WDR7: variants seen among roughly 807,000 people sequenced by gnomAD.
WDR7 encodes the protein WD repeat domain 7, also known as WD repeat-containing protein 7.
WDR7 carries 46 observed loss-of-function variants against 169.4 expected under a neutral mutation model. The observed-to-expected ratio is 0.27, with a 90% CI of 0.21 to 0.35. The LOEUF is 0.35. WDR7 is among the 10% of genes least tolerant of loss of function. The pLI is 1.00. For missense variants in WDR7, 1,534 were observed against 1,859.3 expected, an observed-to-expected ratio of 0.83 and a Z score of 3.22; for synonymous variants, 612 against 666.8, an observed-to-expected ratio of 0.92 and a Z score of 1.27.
chr18:56,668,540 A>G (rs2025068071), intron 1 of WDR7, among the ~76,000 whole-genome samples: 1 of 152,158 alleles, frequency 6.6e-6, no homozygotes, highest in Admixed American at 6.5e-5. Context: ...TTTATTTATT[A>G]TTGTAATACT....
At chr18:56,829,158 G>A (rs2045266622) in intron 20 of WDR7, among the ~76,000 whole-genome samples, 1 of 150,948 alleles carries the variant, frequency 6.6e-6, no homozygotes, top group African/African-American at 2.4e-5. Flanking sequence ...GTGTGGTGGT[G>A]TGCACCTGTA....
chr18:56,688,676 C>T (rs1352186382), intron 7 of WDR7, among the ~76,000 whole-genome samples: 1 of 151,710 alleles, frequency 6.6e-6, no homozygotes, highest in Non-Finnish European at 1.5e-5. Flanking sequence ...TTGCAGTGAG[C>T]CGAGATTGCG....
intron 14 of WDR7, among the ~76,000 whole-genome samples, chr18:56,749,209 C>G (rs1035383191): frequency 6.6e-6 from 1 of 151,652 alleles, no homozygotes; most frequent in African/African-American, 2.4e-5. Flanking sequence ...TTTTTCCTGC[C>G]AAAATATTAT....
At position 56,694,770 on chromosome 18, in the gene WDR7, A is replaced by G. The variant is rs778656677; in HGVS notation, c.1108+10A>G. The G allele has an allele frequency of 1.1e-5, 18 of 1,595,364 alleles. No homozygotes were observed. Among genetic ancestry groups the G allele is most frequent in the Non-Finnish European group, 1.5e-5 (18 of 1,171,806 alleles). On this transcript the variant is annotated intron_variant, in intron 10 of 27. Coordinates refer to ENST00000254442, the MANE Select transcript of WDR7 (RefSeq NM_015285.3). ...CAGGGAAGTGAAGAAGGTAATAGTA[A>G]ATCATGTGTAACAATTTCTTAATTA...
chr18:56,704,996 T>A (rs547014554), intron 12 of WDR7, among the ~76,000 whole-genome samples: 23 of 152,336 alleles, frequency 1.5e-4, no homozygotes, highest in Admixed American at 2.6e-4. Flanking sequence ...TTCATTTTTT[T>A]AATTTAATTT....
rs1284863396 is a variant in WDR7, at chr18:57,027,551, C to T, written c.*344C>T. The T allele has an allele frequency of 6.3e-6, 2 of 316,890 alleles. No individual in the cohort carries two copies. The highest frequency in any genetic ancestry group is 1.2e-5 in the Non-Finnish European group (2 of 169,558). 19.6% of individuals were successfully genotyped at this position (316,890 alleles called of 1,614,324 possible). ...AAAATCAATAAACACTGTGATTGCACTCCCAGCCCAGATCAGCATTTTTAG... is the reference window on the plus strand; with the variant it reads ...AAAATCAATAAACACTGTGATTGCATTCCCAGCCCAGATCAGCATTTTTAG... On this transcript the variant is annotated 3_prime_UTR_variant, in exon 28 of 28. Coordinates refer to ENST00000254442, the MANE Select transcript of WDR7 (RefSeq NM_015285.3).
intron 26 of WDR7, among the ~76,000 whole-genome samples, chr18:56,996,315 C>T (rs1288944393): frequency 1.3e-5 from 2 of 152,088 alleles, no homozygotes; most frequent in Non-Finnish European, 2.9e-5. Flanking sequence ...CTATATAAAG[C>T]ATGCTCTTTT....
At chr18:56,872,174 T>A (rs2045961837) in intron 20 of WDR7, among the ~76,000 whole-genome samples, 1 of 152,176 alleles carries the variant, frequency 6.6e-6, no homozygotes, top group Non-Finnish European at 1.5e-5. Context: ...TTGATTCCTA[T>A]TCCAGTTAAA....
intron 16 of WDR7, among the ~76,000 whole-genome samples, chr18:56,764,508 A>G (rs1599025934): frequency 6.6e-6 from 1 of 152,172 alleles, no homozygotes; most frequent in African/African-American, 2.4e-5. Context: ...GCTAATTAAC[A>G]TATCTATGAC....
intron 25 of WDR7, among the ~76,000 whole-genome samples, chr18:56,944,778 A>G (rs1338788922): frequency 3.3e-5 from 5 of 152,244 alleles, no homozygotes; most frequent in Admixed American, 3.3e-4. Flanking sequence ...ACATGGGATT[A>G]TAGCAATGCA....
rs541399871 is a variant in WDR7, at chr18:56,922,404, C to T, written c.3527-1518C>T. Among the ~76,000 whole-genome samples, 11 of 152,064 alleles carry T rather than the reference C, an allele frequency of 7.2e-5. No homozygotes were observed. The East Asian group carries it at 1.5e-3, about 21-fold the overall frequency. The stretch of plus-strand genomic sequence containing the variant: ...GAGCATTTCATGTGATAAAAGGACA[C>T]GTATGTGCTGGCAGAAAATAGAAAA... On this transcript the variant is annotated intron_variant, in intron 21 of 27. Transcript: ENST00000254442.
intron 14 of WDR7, among the ~76,000 whole-genome samples, chr18:56,737,951 G>A (rs1261087027): frequency 6.6e-6 from 1 of 152,118 alleles, no homozygotes; most frequent in African/African-American, 2.4e-5. Context: ...ATATGAGTAT[G>A]TTGATAATAT....
intron 26 of WDR7, among the ~76,000 whole-genome samples, chr18:56,978,349 T>G (rs2047596122): frequency 6.6e-6 from 1 of 152,210 alleles, no homozygotes; most frequent in Non-Finnish European, 1.5e-5. Context: ...TGCATGGCTT[T>G]TAGTGGTAAC....
intron 14 of WDR7, among the ~76,000 whole-genome samples, chr18:56,748,348 AAATC>A (rs1243211364): frequency 5.9e-5 from 9 of 152,186 alleles, no homozygotes; most frequent in Non-Finnish European, 1.3e-4. Context: ...GAAGAGTTGA[AAATC>A]AATCTCTTTT....
At chr18:57,032,724 G>GAGA (rs2048447367), downstream of WDR7, 1 of 165,798 alleles carries the variant, frequency 6.0e-6, no homozygotes, top group Admixed American at 6.5e-5. Context: ...ATCACCCCCA[G>GAGA]AGAGGACCGT....
intron 8 of WDR7, 43 bp from the exon 9 acceptor site, chr18:56,691,672 A>T: frequency 6.6e-7 from 1 of 1,517,592 alleles, no homozygotes; most frequent in African/African-American, 1.4e-5. Context: ...AAAGTATTTA[A>T]TGTCAGTATT....
chr18:56,815,646 A>G (rs2044953988), intron 19 of WDR7, among the ~76,000 whole-genome samples: 1 of 152,202 alleles, frequency 6.6e-6, no homozygotes, highest in Non-Finnish European at 1.5e-5. Context: ...TTATAAACAA[A>G]CTAACATTAA....
intron 13 of WDR7, among the ~76,000 whole-genome samples, chr18:56,726,702 G>C (rs74574645): frequency 0.014 from 2,124 of 152,120 alleles, 42 homozygotes; most frequent in African/African-American, 0.047. Flanking sequence ...TGATCCTTTT[G>C]GGTCTTGCCT....
chr18:56,987,614 G>T (rs1157723787), intron 26 of WDR7, among the ~76,000 whole-genome samples: 1 of 152,142 alleles, frequency 6.6e-6, no homozygotes, highest in Non-Finnish European at 1.5e-5. Flanking sequence ...TAGAACAAAA[G>T]AACTAAAGTT....
Sources: allele counts gnomAD v4.1 joint callset (sites outside exome capture counted in the v4.1 genomes callset), GRCh38; gene constraint gnomAD v4.1.1; transcripts MANE v1.5; gene names NCBI Gene and HGNC (gene_info 2026-07-23, HGNC 2026-07-21).